AUTS2: variants seen among roughly 807,000 people sequenced by gnomAD.
AUTS2 encodes the protein activator of transcription and developmental regulator AUTS2.
AUTS2 carries 17 observed loss-of-function variants against 112.4 expected under a neutral mutation model. The observed-to-expected ratio is 0.15, with a 90% CI of 0.10 to 0.23. The LOEUF is 0.23. AUTS2 is among the 10% of genes least tolerant of loss of function. AUTS2 has a pLI of 1.00. For synonymous variants in AUTS2, 751 were observed against 702.7 expected, an observed-to-expected ratio of 1.07 and a Z score of -1.09; for missense variants, 1,510 against 1,701.6, an observed-to-expected ratio of 0.89 and a Z score of 1.98.
intron 5 of AUTS2, among the ~76,000 whole-genome samples, chr7:70,608,560 C>T (rs1197231689): frequency 2.0e-5 from 3 of 152,130 alleles, no homozygotes; most frequent in Non-Finnish European, 4.4e-5. Flanking sequence ...ATTGGGATAA[C>T]TTTTTCAGAG....
intron 2 of AUTS2, among the ~76,000 whole-genome samples, chr7:70,031,674 G>T (rs1800786694): frequency 6.6e-6 from 1 of 152,108 alleles, no homozygotes; most frequent in Middle Eastern, 3.2e-3. Flanking sequence ...TTGATCAGGG[G>T]CCCTAGATTT....
At chr7:70,365,028 G>C (rs1251043516) in intron 4 of AUTS2, among the ~76,000 whole-genome samples, 1 of 152,146 alleles carries the variant, frequency 6.6e-6, no homozygotes, top group Non-Finnish European at 1.5e-5. Context: ...TATGTAAATG[G>C]AGAAAGGTAC....
chr7:70,539,302 C>T (rs1040438791), intron 5 of AUTS2, among the ~76,000 whole-genome samples: 1 of 152,194 alleles, frequency 6.6e-6, no homozygotes, highest in Non-Finnish European at 1.5e-5. Flanking sequence ...TTTCTGTCAA[C>T]CTGAAAGACT....
chr7:70,100,770 C>T (rs1488592068), intron 2 of AUTS2, among the ~76,000 whole-genome samples: 1 of 152,036 alleles, frequency 6.6e-6, no homozygotes, highest in Non-Finnish European at 1.5e-5. Context: ...GCTAAGGAGA[C>T]CCAGGAAAGA....
At chr7:70,534,882 A>G (rs1185000699) in intron 5 of AUTS2, among the ~76,000 whole-genome samples, 5 of 152,282 alleles carry the variant, frequency 3.3e-5, no homozygotes, top group Non-Finnish European at 5.9e-5. Context: ...ACAGGTTATA[A>G]GACTTCAGAA....
intron 2 of AUTS2, among the ~76,000 whole-genome samples, chr7:70,065,410 A>G (rs1802441670): frequency 6.6e-6 from 1 of 152,132 alleles, no homozygotes. Flanking sequence ...AATTATTATT[A>G]TTGCCAGGCA....
intron 2 of AUTS2, among the ~76,000 whole-genome samples, chr7:69,952,977 G>C (rs1797081813): frequency 6.6e-6 from 1 of 152,172 alleles, no homozygotes; most frequent in African/African-American, 2.4e-5. Flanking sequence ...GACAGGAAAT[G>C]TGTTTCTTCC....
At chr7:70,029,243 A>G in intron 2 of AUTS2, among the ~76,000 whole-genome samples, 1 of 148,226 alleles carries the variant, frequency 6.7e-6, no homozygotes, top group East Asian at 2.0e-4. Flanking sequence ...GCAAATCCTC[A>G]GGTCTTTCCA....
At chr7:70,080,890 G>C (rs932182597) in intron 2 of AUTS2, among the ~76,000 whole-genome samples, 2 of 152,176 alleles carry the variant, frequency 1.3e-5, no homozygotes, top group African/African-American at 4.8e-5. Flanking sequence ...CTATTTAAAA[G>C]AACATTAGAG....
intron 4 of AUTS2, among the ~76,000 whole-genome samples, chr7:70,151,485 A>G (rs545787587): frequency 6.6e-6 from 1 of 152,004 alleles, no homozygotes; most frequent in African/African-American, 2.4e-5. Context: ...TTTATTTTTT[A>G]TCTTTTTGAG....
intron 4 of AUTS2, among the ~76,000 whole-genome samples, chr7:70,411,700 T>C (rs970816636): frequency 6.6e-6 from 1 of 152,180 alleles, no homozygotes; most frequent in Non-Finnish European, 1.5e-5. Flanking sequence ...TGTTAATGGA[T>C]GATTCCAATC....
At chr7:70,523,600 G>C (rs1023245160) in intron 5 of AUTS2, among the ~76,000 whole-genome samples, 10 of 152,282 alleles carry the variant, frequency 6.6e-5, no homozygotes, top group Admixed American at 2.0e-4. Flanking sequence ...AATCAGTTTG[G>C]GGGCGTCTAG....
At chr7:69,986,204 G>T (rs1798508735) in intron 2 of AUTS2, among the ~76,000 whole-genome samples, 3 of 152,134 alleles carry the variant, frequency 2.0e-5, no homozygotes, top group Admixed American at 2.0e-4. Flanking sequence ...ATGAAAGTAA[G>T]TTCCATGAGA....
Position 69,721,390 on chromosome 7 carries a change from C to T in AUTS2, c.309+121428C>T, listed in dbSNP as rs150012917. 3.8e-3 allele frequency among the ~76,000 whole-genome samples: 583 copies of T among 152,334 alleles called. 5 individuals carry two copies. Among genetic ancestry groups the T allele is most frequent in the African/African-American group, 0.01 (427 of 41,568 alleles). ...TGTCTGAAGGAGGCAGACACTCTTC[C>T]CTTATTCCGCTTTTCTTCATAGCAC... On this transcript the variant is annotated intron_variant, in intron 1 of 18. Transcript: ENST00000342771.
rs111442128 is a variant in AUTS2 at position 70,335,299 on chromosome 7, G to C, written c.661-100453G>C. ...TTCCATTAAGTGTGCTCAAAGATCTGCTTTACTACACACTCTCTCCTGCCC... is the reference window on the plus strand; with the variant it reads ...TTCCATTAAGTGTGCTCAAAGATCTCCTTTACTACACACTCTCTCCTGCCC... On this transcript the variant is annotated intron_variant, in intron 4 of 18. Transcript: ENST00000342771. Among the ~76,000 whole-genome samples, 814 of 152,262 alleles carry C rather than the reference G, an allele frequency of 5.3e-3. 15 individuals are homozygous for C. Among genetic ancestry groups the C allele is most frequent in the African/African-American group, 0.018 (757 of 41,554 alleles).
intron 1 of AUTS2, among the ~76,000 whole-genome samples, chr7:69,855,206 A>G (rs1202125694): frequency 6.6e-6 from 1 of 152,244 alleles, no homozygotes; most frequent in East Asian, 1.9e-4. Flanking sequence ...TGAAGATTCT[A>G]GAAGCAGAAG....
intron 2 of AUTS2, among the ~76,000 whole-genome samples, chr7:70,103,574 C>T (rs570676867): frequency 5.3e-5 from 8 of 152,012 alleles, no homozygotes; most frequent in Admixed American, 2.6e-4. Flanking sequence ...TAAATATTTA[C>T]GTGAGGATTA....
intron 2 of AUTS2, among the ~76,000 whole-genome samples, chr7:70,075,941 A>G (rs1803006034): frequency 6.6e-6 from 1 of 152,216 alleles, no homozygotes. Context: ...TTTTTGGGCC[A>G]TACAGTCTCT....
intron 4 of AUTS2, among the ~76,000 whole-genome samples, chr7:70,298,254 A>G (rs960754054): frequency 6.6e-6 from 1 of 151,382 alleles, no homozygotes; most frequent in Admixed American, 6.6e-5. Context: ...CTGGTCTCGA[A>G]CTCCTGACCT....
Sources: allele counts gnomAD v4.1 joint callset (sites outside exome capture counted in the v4.1 genomes callset), GRCh38; gene constraint gnomAD v4.1.1; transcripts MANE v1.5; gene names NCBI Gene and HGNC (gene_info 2026-07-23, HGNC 2026-07-21).